RAMP3: variants seen among roughly 807,000 people sequenced by gnomAD.
The protein encoded by RAMP3 is receptor activity modifying protein 3.
A neutral mutation model predicts 13.5 loss-of-function variants in RAMP3; 14 were observed. The ratio of observed to expected loss-of-function variants is 1.04; its 90% confidence interval spans 0.69 to 1.63. The LOEUF (loss-of-function observed/expected upper bound fraction) is 1.63. RAMP3 is among the 40% of genes most tolerant of loss of function. RAMP3 has a pLI of 0.00. For missense variants in RAMP3, 200 were observed against 204.8 expected, an observed-to-expected ratio of 0.98 and a Z score of 0.14; for synonymous variants, 106 against 88.3, an observed-to-expected ratio of 1.20 and a Z score of -1.12.
chr7:45,159,098 G>A (rs188408142), intron 1 of RAMP3, among the ~76,000 whole-genome samples: 3 of 152,332 alleles, frequency 2.0e-5, no homozygotes, highest in Admixed American at 1.3e-4. Context: ...ACAGGCTTCC[G>A]CCTGCACAGA....
rs762332014 is a variant in RAMP3 at position 45,177,443 on chromosome 7, T to G, written c.191+2T>G. On this transcript the variant is annotated splice_donor_variant, in intron 2 of 2. Coordinates refer to ENST00000242249, the MANE Select transcript of RAMP3 (RefSeq NM_005856.3). LOFTEE classifies it high-confidence loss of function. ...GTGCAACCTGTCCGAGTTCATCGTGTGAGTGCCACTGCTGGGCGTGGGATT... is the reference window on the plus strand; with the variant it reads ...GTGCAACCTGTCCGAGTTCATCGTGGGAGTGCCACTGCTGGGCGTGGGATT... 1 of 1,614,068 alleles carries G rather than the reference T, an allele frequency of 6.2e-7. No homozygotes were observed. The highest frequency in any genetic ancestry group is 8.5e-7 in the Non-Finnish European group (1 of 1,179,944).
intron 1 of RAMP3, among the ~76,000 whole-genome samples, chr7:45,164,453 C>T (rs1002302055): frequency 6.6e-6 from 1 of 152,034 alleles, no homozygotes; most frequent in African/African-American, 2.4e-5. Flanking sequence ...GAGGATTGCT[C>T]AAGCCCAGGC....
At chr7:45,171,416 A>C (rs1786079924) in intron 1 of RAMP3, among the ~76,000 whole-genome samples, 1 of 152,152 alleles carries the variant, frequency 6.6e-6, no homozygotes, top group Non-Finnish European at 1.5e-5. Context: ...TTGGCCTCTG[A>C]AAGTTCTGGG....
chr7:45,162,443 G>T (rs1785883391), intron 1 of RAMP3, among the ~76,000 whole-genome samples: 1 of 152,188 alleles, frequency 6.6e-6, no homozygotes, highest in Non-Finnish European at 1.5e-5. Flanking sequence ...ATGCAGCCCT[G>T]CTTGGCAGAC....
At chr7:45,171,053 T>A (rs987747921) in intron 1 of RAMP3, among the ~76,000 whole-genome samples, 1 of 152,230 alleles carries the variant, frequency 6.6e-6, no homozygotes, top group East Asian at 1.9e-4. Flanking sequence ...CATATCTAAT[T>A]TCCCTTGTGA....
intron 2 of RAMP3, among the ~76,000 whole-genome samples, chr7:45,179,521 C>T (rs1328821733): frequency 6.6e-6 from 1 of 152,126 alleles, no homozygotes; most frequent in African/African-American, 2.4e-5. Flanking sequence ...AACTATCTCT[C>T]ATGTGATGAA....
chr7:45,173,489 G>A (rs890821835), intron 1 of RAMP3, among the ~76,000 whole-genome samples: 1 of 152,228 alleles, frequency 6.6e-6, no homozygotes, highest in Non-Finnish European at 1.5e-5. Flanking sequence ...TGCTTTTGTG[G>A]AAGGAAGGAC....
intron 1 of RAMP3, among the ~76,000 whole-genome samples, chr7:45,158,107 G>A (rs1273317387): frequency 6.6e-6 from 1 of 152,234 alleles, no homozygotes; most frequent in Non-Finnish European, 1.5e-5. Context: ...GAGGCACAGG[G>A]CCCCCTCCGG....
At chr7:45,177,006 A>G (rs1786200584) in intron 1 of RAMP3, among the ~76,000 whole-genome samples, 1 of 152,180 alleles carries the variant, frequency 6.6e-6, no homozygotes, top group Admixed American at 6.5e-5. Flanking sequence ...AGACCCTCTC[A>G]CCACCTCCCA....
chr7:45,181,170 G>A (rs1786304579), intron 2 of RAMP3, among the ~76,000 whole-genome samples: 1 of 152,234 alleles, frequency 6.6e-6, no homozygotes, highest in Non-Finnish European at 1.5e-5. Flanking sequence ...GTCCAGGGAG[G>A]ATAAATGACA....
chr7:45,160,524 A>T (rs962111510), intron 1 of RAMP3, among the ~76,000 whole-genome samples: 3 of 151,930 alleles, frequency 2.0e-5, no homozygotes, highest in Non-Finnish European at 4.4e-5. Context: ...CACAGAGACC[A>T]GGGGCAGAAC....
At chr7:45,173,152 T>G (rs1485876588) in intron 1 of RAMP3, among the ~76,000 whole-genome samples, 3 of 152,224 alleles carry the variant, frequency 2.0e-5, no homozygotes, top group Non-Finnish European at 4.4e-5. Context: ...CCATCTAGTC[T>G]TTAGCTTGAT....
At chr7:45,173,319 A>G (rs1274669084) in intron 1 of RAMP3, among the ~76,000 whole-genome samples, 1 of 152,206 alleles carries the variant, frequency 6.6e-6, no homozygotes, top group African/African-American at 2.4e-5. Context: ...ACAAGGATAT[A>G]GTGAGGCTTG....
chr7:45,161,596 A>C (rs10277744), intron 1 of RAMP3, among the ~76,000 whole-genome samples: 43,642 of 150,468 alleles, frequency 0.29, 8,122 homozygotes, highest in African/African-American at 0.53. Flanking sequence ...ACTTCCAAGA[A>C]GAGGAGGAAG....
At chr7:45,166,958 C>CTTTTTTTTTTTTTTTTTTTT (rs202162694) in intron 1 of RAMP3, among the ~76,000 whole-genome samples, 1 of 101,264 alleles carries the variant, frequency 9.9e-6, no homozygotes, top group Non-Finnish European at 1.8e-5. Flanking sequence ...GTCTTTGATG[C>CTTTTTTTTTTTTTTTTTTTT]TTTTTTTTTT....
chr7:45,180,428 C>T (rs950736563), intron 2 of RAMP3, among the ~76,000 whole-genome samples: 4 of 152,242 alleles, frequency 2.6e-5, no homozygotes, highest in African/African-American at 9.6e-5. Flanking sequence ...AGGTGGCTTG[C>T]TCCCCTCAAT....
At chr7:45,181,944 G>T (rs1786323956) in intron 2 of RAMP3, among the ~76,000 whole-genome samples, 1 of 152,208 alleles carries the variant, frequency 6.6e-6, no homozygotes. Context: ...GATCAGTCAG[G>T]AGCTGGGCTG....
chr7:45,176,201 A>G (rs549427564), intron 1 of RAMP3, among the ~76,000 whole-genome samples: 8 of 152,288 alleles, frequency 5.3e-5, no homozygotes, highest in African/African-American at 1.9e-4. Flanking sequence ...GCTGGTAACC[A>G]GTGAAGTGTG....
At chr7:45,176,923 C>T (rs1039677638) in intron 1 of RAMP3, among the ~76,000 whole-genome samples, 8 of 152,192 alleles carry the variant, frequency 5.3e-5, no homozygotes, top group African/African-American at 7.2e-5. Context: ...GTCTTAGAGT[C>T]CTCAGGATGT....
Sources: allele counts gnomAD v4.1 joint callset (sites outside exome capture counted in the v4.1 genomes callset), GRCh38; gene constraint gnomAD v4.1.1; transcripts MANE v1.5; gene names NCBI Gene and HGNC (gene_info 2026-07-23, HGNC 2026-07-21).